Variants in TMPPE observed in about 807,000 individuals in gnomAD.
TMPPE encodes transmembrane protein with metallophosphoesterase domain.
A neutral mutation model predicts 22.6 loss-of-function variants in TMPPE; 16 were observed. The observed-to-expected ratio is 0.71, with a 90% CI of 0.48 to 1.08. The LOEUF is 1.08. Among genes scored for constraint, TMPPE ranks in the 50% least tolerant of loss-of-function variants. The pLI is 0.00. For missense variants in TMPPE, 526 were observed against 584.3 expected (o/e 0.90, Z 1.03); for synonymous variants, 240 against 245.3 (o/e 0.98, Z 0.20).
rs1700900201 is a variant in TMPPE, at chr3:33,094,130, C to G, written c.66G>C (p.Val22=). 1 of 1,613,952 alleles carries G rather than the reference C, an allele frequency of 6.2e-7. No individual in the cohort carries two copies. The highest frequency in any genetic ancestry group is 8.5e-7 in the Non-Finnish European group (1 of 1,179,806). ...KATLAAVTVF[V]SMIASRSYLA... is the part of the protein sequence containing the mutation. The stretch of plus-strand genomic sequence containing the variant: ...GATACGAGCGGGAGGCGATCATGGA[C>G]ACGAAGACAGTGACAGCAGCCAGGG... The change falls in exon 2 of 2, where the codon GTG becomes GTC. Residue 22 remains valine (V), a synonymous_variant. Transcript: ENST00000342462.
rs570707753 is a variant in TMPPE at position 33,091,919 on chromosome 3, C to T, written c.*915G>A. 7 of 985,344 alleles carry T rather than the reference C, an allele frequency of 7.1e-6. No homozygotes were observed. The highest frequency in any genetic ancestry group is 9.4e-5 in the South Asian group (2 of 21,290). 61.0% of individuals were successfully genotyped at this position (985,344 alleles called of 1,614,324 possible). A position where few individuals can be genotyped will look rare whatever the true frequency, so the allele number is the denominator to read the frequency against. On this transcript the variant is annotated 3_prime_UTR_variant, in exon 2 of 2. Coordinates refer to ENST00000342462, the MANE Select transcript of TMPPE (RefSeq NM_001039770.3). ...GCTTCTGGCAAAAGGGCAAAAGCAC[C>T]GCTTTTACTGGGAGGTACAAGACCT... is the stretch of plus-strand genomic sequence containing the variant.
chr3:33,093,845 C>T lies in TMPPE; in HGVS notation c.351G>A (p.Ala117=), dbSNP rs772701337. 7 of 1,613,354 alleles carry T rather than the reference C, an allele frequency of 4.3e-6. No homozygotes were observed. The highest frequency in any genetic ancestry group is 2.2e-5 in the East Asian group (1 of 44,872). ...TGTAAGCACCCAGGCAGGAGTAGGC[C>T]GCCAAGGAAAAGAGATAGGGCTCTT... ...VAEEPYLFSL[A]AYSCLGAYII... Residue 117 remains alanine, a synonymous_variant, in exon 2 of 2, where the codon GCG becomes GCA. Transcript: ENST00000342462. This position sits in a 1 kb window ranked among gnomAD's most constrained non-coding sequence, Gnocchi z 6.0.
At position 33,093,897 on chromosome 3, in the gene TMPPE, A is replaced by C; in HGVS notation, c.299T>G (p.Phe100Cys). The change falls in exon 2 of 2, where the codon TTC (phenylalanine) becomes TGC (cysteine). Residue 100 changes from phenylalanine to cysteine, a missense_variant. Physicochemically the swap from Phe to Cys is radical, Grantham distance 205. Coordinates refer to ENST00000342462, the MANE Select transcript of TMPPE (RefSeq NM_001039770.3). The surrounding 1 kb of genome is among the most constrained non-coding windows in gnomAD (Gnocchi z 6.0). ...LAFLALAHSS[F>C]FTMFFLVAEE... ...GGCCACTAAAAAGAACATGGTAAAG[A>C]AACTGGAATGGGCCAGGGCCAGAAA... 1.2e-6 allele frequency: 2 copies of C among 1,614,000 alleles called. No homozygotes were observed. Among genetic ancestry groups the C allele is most frequent in the Non-Finnish European group, 8.5e-7 (1 of 1,179,982 alleles).
intron 1 of TMPPE, among the ~76,000 whole-genome samples, chr3:33,095,044 C>G (rs989654848): frequency 6.6e-6 from 1 of 151,914 alleles, no homozygotes; most frequent in Non-Finnish European, 1.5e-5. Flanking sequence ...AACCCTGTCT[C>G]TACTAAAAAT....
chr3:33,095,926 G>A (rs1056703981), intron 1 of TMPPE, among the ~76,000 whole-genome samples: 2 of 152,174 alleles, frequency 1.3e-5, no homozygotes, highest in Non-Finnish European at 2.9e-5. Flanking sequence ...AGAGGGAGCA[G>A]CAAATAATCT....
In TMPPE at chr3:33,092,484, TA is replaced by T; in HGVS notation, c.*349del. On this transcript the variant is annotated 3_prime_UTR_variant, in exon 2 of 2. Coordinates refer to ENST00000342462, the MANE Select transcript of TMPPE (RefSeq NM_001039770.3). The stretch of plus-strand genomic sequence containing the variant: ...TCCTGCTCCTCCCCGCCCCACCTTC[TA>T]GAGGTATGCCTTTCTAGCAACCCCG... The T allele has an allele frequency of 9.5e-7, 1 of 1,056,172 alleles. No homozygotes were observed. The allele number at this position is 1,056,172 out of a possible 1,614,324, so 65.4% of individuals were successfully genotyped here.
Position 33,096,552 on chromosome 3 carries a change from C to T in TMPPE, c.-109+167G>A, listed in dbSNP as rs189634581. On this transcript the variant is annotated intron_variant, in intron 1 of 1. Transcript: ENST00000342462. ...CCCAGAGGGGAAATAACCCAATGTT[C>T]CCACTGCAAGGGCCTCTCCTGACCC... The T allele has an allele frequency of 1.3e-3, 1,257 of 984,934 alleles. 24 individuals are homozygous for T. In the South Asian group the frequency reaches 0.037, roughly 29 times the overall value. 61.0% of individuals were successfully genotyped at this position (984,934 alleles called of 1,614,324 possible). A position where few individuals can be genotyped will look rare whatever the true frequency, so the allele number is the denominator to read the frequency against.
rs375329469 is a variant in TMPPE at position 33,094,110 on chromosome 3, G to A, written c.86C>T (p.Ser29Leu). 17 of 1,614,122 alleles carry A rather than the reference G, an allele frequency of 1.1e-5. No individual in the cohort carries two copies. In the African/African-American group the frequency reaches 1.5e-4, roughly 14 times the overall value. The change falls in exon 2 of 2, where the codon TCG becomes TTG. Residue 29 changes from serine to leucine, a missense_variant. Coordinates refer to ENST00000342462, the MANE Select transcript of TMPPE (RefSeq NM_001039770.3). ...TVFVSMIASR[S>L]YLAESLELRA... is the part of the protein sequence containing the mutation. ...GAGCTCAAGGCTCTCTGCCAGATAC[G>A]AGCGGGAGGCGATCATGGACACGAA... is the stretch of plus-strand genomic sequence containing the variant.
rs1006093696 is a variant in TMPPE, at chr3:33,091,564, G to C, written c.*1270C>G. 1.4e-5 allele frequency: 14 copies of C among 985,448 alleles called. No individual in the cohort carries two copies. Among genetic ancestry groups the C allele is most frequent in the Middle Eastern group, 1.0e-3 (2 of 1,916 alleles). The allele number at this position is 985,448 out of a possible 1,614,324, so 61.0% of individuals were successfully genotyped here. ...GAAAAATTAACATTGAGTGTTTACT[G>C]TGCACGCTGTGCCATGTGGAACTCA... On this transcript the variant is annotated 3_prime_UTR_variant, in exon 2 of 2. Coordinates refer to ENST00000342462, the MANE Select transcript of TMPPE (RefSeq NM_001039770.3).
Position 33,091,626 on chromosome 3 carries a change from T to C in TMPPE, c.*1208A>G. On this transcript the variant is annotated 3_prime_UTR_variant, in exon 2 of 2. Coordinates refer to ENST00000342462, the MANE Select transcript of TMPPE (RefSeq NM_001039770.3). ...TGATGGATCCCTCCTGACAAAACAATCTTGAGGTAGATACGATAATTATCC... is the reference window on the plus strand; with the variant it reads ...TGATGGATCCCTCCTGACAAAACAACCTTGAGGTAGATACGATAATTATCC... 1.0e-6 allele frequency: 1 copy of C among 984,420 alleles called. No homozygotes were observed. The highest frequency in any genetic ancestry group is 1.2e-6 in the Non-Finnish European group (1 of 829,138). 61.0% of individuals were successfully genotyped at this position (984,420 alleles called of 1,614,324 possible).
In TMPPE at chr3:33,090,510, T is replaced by C. The variant is rs376121468; in HGVS notation, c.*2324A>G. On this transcript the variant is annotated 3_prime_UTR_variant, in exon 2 of 2. Transcript: ENST00000342462. Reference sequence around the variant, plus strand: ...CACTATTGCTGATTTTCAAAAAGCATTGCATTTCAATTTGCATCTAACAGA... The same window carrying C: ...CACTATTGCTGATTTTCAAAAAGCACTGCATTTCAATTTGCATCTAACAGA... 1.8e-4 allele frequency: 173 copies of C among 985,252 alleles called. No individual in the cohort carries two copies. The highest frequency in any genetic ancestry group is 2.0e-4 in the Non-Finnish European group (168 of 829,918). 61.0% of individuals were successfully genotyped at this position (985,252 alleles called of 1,614,324 possible).
rs1014554781 is a variant in TMPPE at position 33,092,557 on chromosome 3, C to T, written c.*277G>A. 1.7e-6 allele frequency: 2 copies of T among 1,200,812 alleles called. No individual in the cohort carries two copies. Among genetic ancestry groups the T allele is most frequent in the African/African-American group, 3.0e-5 (2 of 65,812 alleles). 74.4% of individuals were successfully genotyped at this position (1,200,812 alleles called of 1,614,324 possible). ...GCTCTGCAGGAGAAGGTCCCCATTC[C>T]ACATCATCTGGAAAATAGAGGGGAG... On this transcript the variant is annotated 3_prime_UTR_variant, in exon 2 of 2. Coordinates refer to ENST00000342462, the MANE Select transcript of TMPPE (RefSeq NM_001039770.3).
In TMPPE at chr3:33,092,546, G is replaced by T; in HGVS notation, c.*288C>A. 1 of 1,175,094 alleles carries T rather than the reference G, an allele frequency of 8.5e-7. No individual in the cohort carries two copies. The highest frequency in any genetic ancestry group is 1.1e-6 in the Non-Finnish European group (1 of 948,818). The allele number at this position is 1,175,094 out of a possible 1,614,324, so 72.8% of individuals were successfully genotyped here. ...CATCCCTGGGAGCTCTGCAGGAGAA[G>T]GTCCCCATTCCACATCATCTGGAAA... On this transcript the variant is annotated 3_prime_UTR_variant, in exon 2 of 2. Transcript: ENST00000342462.
rs531941264 is a variant in TMPPE at position 33,091,445 on chromosome 3, G to A, written c.*1389C>T. On this transcript the variant is annotated 3_prime_UTR_variant, in exon 2 of 2. Coordinates refer to ENST00000342462, the MANE Select transcript of TMPPE (RefSeq NM_001039770.3). Reference sequence around the variant, plus strand: ...CACCTGCCCCAGCAGCAGGCAGCTCGCTACCCACTCACATTCCCCAGGACT... The same window carrying A: ...CACCTGCCCCAGCAGCAGGCAGCTCACTACCCACTCACATTCCCCAGGACT... The A allele has an allele frequency of 1.1e-5, 11 of 985,394 alleles. No homozygotes were observed. Among genetic ancestry groups the A allele is most frequent in the African/African-American group, 8.7e-5 (5 of 57,230 alleles). The allele number at this position is 985,394 out of a possible 1,614,324, so 61.0% of individuals were successfully genotyped here. A position where few individuals can be genotyped will look rare whatever the true frequency, so the allele number is the denominator to read the frequency against.
Position 33,090,770 on chromosome 3 carries a change from GTGTTGA to G in TMPPE, c.*2058_*2063del, listed in dbSNP as rs1700723642. ...GGGAATACAAACCACATACGAGAGG[GTGTTGA>G]TGTTGTTTCTCAGATACATAGGATG... On this transcript the variant is annotated 3_prime_UTR_variant, in exon 2 of 2. Coordinates refer to ENST00000342462, the MANE Select transcript of TMPPE (RefSeq NM_001039770.3). 1.0e-6 allele frequency: 1 copy of G among 985,280 alleles called. No individual in the cohort carries two copies. The highest frequency in any genetic ancestry group is 1.2e-6 in the Non-Finnish European group (1 of 829,928). The allele number at this position is 985,280 out of a possible 1,614,324, so 61.0% of individuals were successfully genotyped here. A position where few individuals can be genotyped will look rare whatever the true frequency, so the allele number is the denominator to read the frequency against.
In TMPPE at chr3:33,092,661, G is replaced by C; in HGVS notation, c.*173C>G. The C allele has an allele frequency of 7.2e-7, 1 of 1,398,572 alleles. No homozygotes were observed. Among genetic ancestry groups the C allele is most frequent in the Non-Finnish European group, 9.3e-7 (1 of 1,078,030 alleles). The allele number at this position is 1,398,572 out of a possible 1,614,324, so 86.6% of individuals were successfully genotyped here. A position where few individuals can be genotyped will look rare whatever the true frequency, so the allele number is the denominator to read the frequency against. On this transcript the variant is annotated 3_prime_UTR_variant, in exon 2 of 2. Coordinates refer to ENST00000342462, the MANE Select transcript of TMPPE (RefSeq NM_001039770.3). ...GCCAAGGAAATAGTTAAACCAGCCT[G>C]AACATGCCAGGCAGGCCCACCATAA...
chr3:33,092,550 C>T lies in TMPPE; in HGVS notation c.*284G>A. On this transcript the variant is annotated 3_prime_UTR_variant, in exon 2 of 2. Transcript: ENST00000342462. ...CCTGGGAGCTCTGCAGGAGAAGGTCCCCATTCCACATCATCTGGAAAATAG... is the reference window on the plus strand; with the variant it reads ...CCTGGGAGCTCTGCAGGAGAAGGTCTCCATTCCACATCATCTGGAAAATAG... 1 of 1,186,522 alleles carries T rather than the reference C, an allele frequency of 8.4e-7. No individual in the cohort carries two copies. The highest frequency in any genetic ancestry group is 1.0e-6 in the Non-Finnish European group (1 of 956,080). The allele number at this position is 1,186,522 out of a possible 1,614,324, so 73.5% of individuals were successfully genotyped here.
chr3:33,095,333 T>C (rs559534902), intron 1 of TMPPE, among the ~76,000 whole-genome samples: 48 of 150,434 alleles, frequency 3.2e-4, no homozygotes, highest in Admixed American at 2.5e-3. Flanking sequence ...CTGGCTAACA[T>C]GGTGAAACCC....
chr3:33,093,057 G>A lies in TMPPE; in HGVS notation c.1139C>T (p.Ala380Val). ...AAGGATCAGGTTAATATCTGGCCGA[G>A]CCTGGAGAGCTCTCTTGGCAGCCAG... Reference protein sequence around the residue: ...QPLAAKRALQARPDINLILSG... With the variant: ...QPLAAKRALQVRPDINLILSG... Residue 380 changes from alanine to valine, a missense_variant, in exon 2 of 2, where the codon GCT becomes GTT. Ala to Val is a moderately conservative substitution (Grantham distance 64, BLOSUM62 0). Transcript: ENST00000342462. The surrounding 1 kb of genome is among the most constrained non-coding windows in gnomAD (Gnocchi z 6.0). 1 of 1,614,224 alleles carries A rather than the reference G, an allele frequency of 6.2e-7. No homozygotes were observed. The highest frequency in any genetic ancestry group is 1.3e-5 in the African/African-American group (1 of 75,066).
Sources: gnomAD v4.1 joint callset for allele counts (sites outside exome capture counted in the v4.1 genomes callset) on GRCh38, gnomAD v4.1.1 for gene constraint, Gnocchi (gnomAD v3.1) non-coding constraint, MANE v1.5 for transcripts, NCBI Gene and HGNC (gene_info 2026-07-23, HGNC 2026-07-21) for gene names.